The following ATP6V1E2 variants were observed in gnomAD, a reference collection of about 807,000 sequenced individuals.
ATP6V1E2 encodes the protein V-type proton ATPase subunit E 2.
For missense variants in ATP6V1E2, 308 were observed against 273.3 expected (o/e 1.13, Z -0.90); for synonymous variants, 121 against 104.2 (o/e 1.16, Z -0.98).
chr2:46,517,874 T>C (rs1201383117), intron 4 of ATP6V1E2, among the ~76,000 whole-genome samples: 1 of 152,228 alleles, frequency 6.6e-6, no homozygotes, highest in Non-Finnish European at 1.5e-5. Context: ...GGCAAGGATG[T>C]GCAGAAACTG....
At chr2:46,516,251 C>CTGT (rs1687705323) in intron 4 of ATP6V1E2, among the ~76,000 whole-genome samples, 2 of 152,176 alleles carry the variant, frequency 1.3e-5, no homozygotes, top group Non-Finnish European at 2.9e-5. Flanking sequence ...ACACATGGAA[C>CTGT]AGTCTTTAGG....
At chr2:46,533,105 CATT>C (rs957274183) in intron 4 of ATP6V1E2, among the ~76,000 whole-genome samples, 9 of 131,244 alleles carry the variant, frequency 6.9e-5, no homozygotes, top group Non-Finnish European at 1.2e-4. Context: ...ATATATCTAA[CATT>C]ATATTATATA....
chr2:46,531,794 G>A (rs1196235334), intron 4 of ATP6V1E2, among the ~76,000 whole-genome samples: 1 of 152,114 alleles, frequency 6.6e-6, no homozygotes, highest in Non-Finnish European at 1.5e-5. Context: ...TAATGATGTT[G>A]AATACCTTTT....
At chr2:46,538,024 C>T (rs937655827) in intron 2 of ATP6V1E2, among the ~76,000 whole-genome samples, 4 of 152,096 alleles carry the variant, frequency 2.6e-5, no homozygotes, top group African/African-American at 7.2e-5. Context: ...TCAGAGTTAT[C>T]GTAAAAACCT....
intron 4 of ATP6V1E2, among the ~76,000 whole-genome samples, chr2:46,522,049 T>C (rs7589747): frequency 0.52 from 79,581 of 151,820 alleles, 21,143 homozygotes; most frequent in East Asian, 0.82. Context: ...AATCCCAACA[T>C]TTTGGGAGGC....
In ATP6V1E2 at chr2:46,511,974, A is replaced by C; in HGVS notation, c.*57T>G. ...GAAACACTACTAGTTTCCTTTCCCC[A>C]AAAAACTTAAACTTTTATGGTTTAG... On this transcript the variant is annotated 3_prime_UTR_variant, in exon 5 of 5. Coordinates refer to ENST00000522587, the MANE Select transcript of ATP6V1E2 (RefSeq NM_001318063.2). The C allele has an allele frequency of 2.7e-6, 4 of 1,493,834 alleles. No individual in the cohort carries two copies. Among genetic ancestry groups the C allele is most frequent in the African/African-American group, 2.8e-5 (2 of 71,202 alleles). The allele number at this position is 1,493,834 out of a possible 1,614,324, so 92.5% of individuals were successfully genotyped here. A position where few individuals can be genotyped will look rare whatever the true frequency, so the allele number is the denominator to read the frequency against.
At chr2:46,523,272 G>A (rs1246915918) in intron 4 of ATP6V1E2, among the ~76,000 whole-genome samples, 1 of 152,108 alleles carries the variant, frequency 6.6e-6, no homozygotes, top group Non-Finnish European at 1.5e-5. Flanking sequence ...GGCTCTTGTT[G>A]CAATTGCTTT....
chr2:46,522,311 A>T (rs1666678476), intron 4 of ATP6V1E2, among the ~76,000 whole-genome samples: 1 of 151,588 alleles, frequency 6.6e-6, no homozygotes, highest in African/African-American at 2.4e-5. Flanking sequence ...TAATGGCAGA[A>T]CGTGCAGGTT....
At chr2:46,529,180 C>T (rs1468298621) in intron 4 of ATP6V1E2, among the ~76,000 whole-genome samples, 1 of 152,238 alleles carries the variant, frequency 6.6e-6, no homozygotes, top group Non-Finnish European at 1.5e-5. Flanking sequence ...TCTACTAGTC[C>T]TCAGCCTTGA....
chr2:46,516,526 C>G (rs895946886), intron 4 of ATP6V1E2, among the ~76,000 whole-genome samples: 25 of 152,140 alleles, frequency 1.6e-4, no homozygotes, highest in Admixed American at 5.2e-4. Context: ...CCTGGTAGTG[C>G]GAGGCTGTAA....
At chr2:46,532,401 AT>A (rs1476035863) in intron 4 of ATP6V1E2, among the ~76,000 whole-genome samples, 1 of 140,066 alleles carries the variant, frequency 7.1e-6, no homozygotes, top group Non-Finnish European at 1.6e-5. Context: ...TTATTTATGT[AT>A]TTATGTATGT....
At chr2:46,533,133 A>T (rs1158319451) in intron 4 of ATP6V1E2, among the ~76,000 whole-genome samples, 1 of 149,228 alleles carries the variant, frequency 6.7e-6, no homozygotes, top group African/African-American at 2.4e-5. Flanking sequence ...ATGTTATATT[A>T]TATACCTAAC....
rs1475325421 is a variant in ATP6V1E2 at position 46,535,281 on chromosome 2, T to G, written c.-102+532A>C. Reference sequence around the variant, plus strand: ...ACAGCCAATACCAGTTATTTGGGTATGGTAGAGGTGGAAATCTCTACTCCC... The same window carrying G: ...ACAGCCAATACCAGTTATTTGGGTAGGGTAGAGGTGGAAATCTCTACTCCC... On this transcript the variant is annotated intron_variant, in intron 4 of 4. Transcript: ENST00000522587. This position sits in a 1 kb window ranked among gnomAD's most constrained non-coding sequence, Gnocchi z 4.4. 1 of 152,216 alleles carries G rather than the reference T, an allele frequency of 6.6e-6. No individual in the cohort carries two copies. The highest frequency in any genetic ancestry group is 1.9e-4 in the East Asian group (1 of 5,200). 9.4% of individuals were successfully genotyped at this position (152,216 alleles called of 1,614,324 possible).
At chr2:46,534,113 T>C (rs538395086) in intron 4 of ATP6V1E2, among the ~76,000 whole-genome samples, 5 of 152,362 alleles carry the variant, frequency 3.3e-5, no homozygotes, top group African/African-American at 1.2e-4. Context: ...ACGTTTACAA[T>C]TTTCATGAAA....
At chr2:46,525,857 C>T (rs1422281183) in intron 4 of ATP6V1E2, among the ~76,000 whole-genome samples, 1 of 151,528 alleles carries the variant, frequency 6.6e-6, no homozygotes, top group African/African-American at 2.4e-5. Context: ...GAGTCATTTG[C>T]TTCAAAGCTG....
intron 4 of ATP6V1E2, chr2:46,534,743 G>T (rs920512746): frequency 7.2e-6 from 1 of 138,602 alleles, no homozygotes; most frequent in African/African-American, 2.7e-5. Flanking sequence ...CTCACTTTTC[G>T]GCTTAGTTAG....
chr2:46,512,552 T>C lies in ATP6V1E2; in HGVS notation c.160A>G (p.Met54Val). The C allele has an allele frequency of 6.2e-7, 1 of 1,614,236 alleles. No individual in the cohort carries two copies. Among genetic ancestry groups the C allele is most frequent in the Non-Finnish European group, 8.5e-7 (1 of 1,180,036 alleles). ...RLVQTQRLKI[M>V]EYYEKKEKQI... Reference sequence around the variant, plus strand: ...TTCTCCTTTTTCTCATAATACTCCATAATCTTCAGTCGTTGGGTTTGCACG... The same window carrying C: ...TTCTCCTTTTTCTCATAATACTCCACAATCTTCAGTCGTTGGGTTTGCACG... Residue 54 changes from methionine (M) to valine (V), a missense_variant, in exon 5 of 5, where the codon ATG becomes GTG. Coordinates refer to ENST00000522587, the MANE Select transcript of ATP6V1E2 (RefSeq NM_001318063.2).
Position 46,530,855 on chromosome 2 carries a change from T to C in ATP6V1E2, c.-102+4958A>G, listed in dbSNP as rs899679929. On this transcript the variant is annotated intron_variant, in intron 4 of 4. Transcript: ENST00000522587. This position sits in a 1 kb window ranked among gnomAD's most constrained non-coding sequence, Gnocchi z 5.2. Reference sequence around the variant, plus strand: ...AAACCATCAGATCTCATGAGACTTATTCACTAGCGCAAGAACAGCACAGGA... The same window carrying C: ...AAACCATCAGATCTCATGAGACTTACTCACTAGCGCAAGAACAGCACAGGA... Among the ~76,000 whole-genome samples, 8 of 152,296 alleles carry C rather than the reference T, an allele frequency of 5.3e-5. No homozygotes were observed. Among genetic ancestry groups the C allele is most frequent in the African/African-American group, 9.6e-5 (4 of 41,562 alleles).
chr2:46,514,529 A>G (rs1687625313), intron 4 of ATP6V1E2, among the ~76,000 whole-genome samples: 3 of 152,182 alleles, frequency 2.0e-5, no homozygotes, highest in Admixed American at 1.3e-4. Context: ...AACTGAACTG[A>G]AAAAATTCAC....
Sources: gnomAD v4.1 joint callset for allele counts (sites outside exome capture counted in the v4.1 genomes callset) on GRCh38, gnomAD v4.1.1 for gene constraint, Gnocchi (gnomAD v3.1) non-coding constraint, MANE v1.5 for transcripts, NCBI Gene and HGNC (gene_info 2026-07-23, HGNC 2026-07-21) for gene names.